Variants in XKR9 observed in about 807,000 individuals in gnomAD.
XKR9 encodes the protein XK related 9.
A neutral mutation model predicts 32.0 loss-of-function variants in XKR9; 32 were observed. The ratio of observed to expected loss-of-function variants is 1.00; its 90% CI spans 0.76 to 1.34. XKR9 has a LOEUF of 1.34. Ranked by LOEUF, XKR9 falls within the 40% of genes most tolerant of loss-of-function variation. The pLI is 0.00. For synonymous variants in XKR9, 168 were observed against 143.4 expected, an observed-to-expected ratio of 1.17 and a Z score of -1.22; for missense variants, 546 against 429.7, an observed-to-expected ratio of 1.27 and a Z score of -2.39.
At chr8:70,786,529 C>T (rs927289305) in intron 2 of XKR9, among the ~76,000 whole-genome samples, 18 of 151,888 alleles carry the variant, frequency 1.2e-4, no homozygotes, top group Admixed American at 9.2e-4. Flanking sequence ...ACATAATGTC[C>T]TTTTTTTGCT....
intron 2 of XKR9, among the ~76,000 whole-genome samples, chr8:70,764,021 T>C (rs951870626): frequency 6.6e-6 from 1 of 152,172 alleles, no homozygotes; most frequent in Non-Finnish European, 1.5e-5. Flanking sequence ...CTGTCTCAAG[T>C]TTTTAGCCAC....
chr8:70,969,771 G>C, the XKR9 span, among the ~76,000 whole-genome samples: 4 of 152,090 alleles, frequency 2.6e-5, no homozygotes, highest in Non-Finnish European at 4.4e-5. Flanking sequence ...TATTCCAATA[G>C]GTTTTTGAGG....
chr8:70,887,276 G>T, the XKR9 span, among the ~76,000 whole-genome samples: 1 of 152,200 alleles, frequency 6.6e-6, no homozygotes, highest in East Asian at 1.9e-4. Flanking sequence ...TGTTCCATTG[G>T]TCTATATATC....
chr8:70,812,163 G>A, the XKR9 span, among the ~76,000 whole-genome samples: 294 of 152,228 alleles, frequency 1.9e-3, 2 homozygotes, highest in African/African-American at 6.9e-3. Context: ...ATGTAATCCA[G>A]CATATAAACA....
chr8:70,831,192 G>A, the XKR9 span, among the ~76,000 whole-genome samples: 1 of 151,626 alleles, frequency 6.6e-6, no homozygotes, highest in East Asian at 2.0e-4. Flanking sequence ...TCAGGAGGCT[G>A]AGGCAGGAGA....
the XKR9 span, among the ~76,000 whole-genome samples, chr8:70,974,834 G>A: frequency 1.3e-4 from 20 of 152,268 alleles, 1 homozygote; most frequent in Admixed American, 1.1e-3. Context: ...CACAATGGTG[G>A]AACTAGCTTA....
At chr8:71,064,320 A>T in the XKR9 span, among the ~76,000 whole-genome samples, 2 of 152,178 alleles carry the variant, frequency 1.3e-5, no homozygotes, top group Non-Finnish European at 2.9e-5. Flanking sequence ...CATCACACCT[A>T]TAAAAATTAA....
At chr8:70,999,934 CT>C in the XKR9 span, among the ~76,000 whole-genome samples, 3 of 152,126 alleles carry the variant, frequency 2.0e-5, no homozygotes, top group African/African-American at 7.2e-5. Flanking sequence ...CCTTGCATCC[CT>C]TTTCTCTTAT....
the XKR9 span, among the ~76,000 whole-genome samples, chr8:71,045,950 G>C: frequency 2.0e-5 from 3 of 152,050 alleles, no homozygotes; most frequent in Non-Finnish European, 4.4e-5. Flanking sequence ...TGGATTGGGA[G>C]TTCACTGAGG....
At chr8:70,987,803 A>G in the XKR9 span, among the ~76,000 whole-genome samples, 1 of 152,162 alleles carries the variant, frequency 6.6e-6, no homozygotes, top group Non-Finnish European at 1.5e-5. Context: ...GAAGCTCTCC[A>G]TGAGGACCCC....
At chr8:70,960,991 G>A in the XKR9 span, among the ~76,000 whole-genome samples, 8 of 152,164 alleles carry the variant, frequency 5.3e-5, no homozygotes, top group African/African-American at 1.9e-4. Flanking sequence ...CCAACATGGC[G>A]AAACCCTGTC....
chr8:70,956,583 C>T, the XKR9 span, among the ~76,000 whole-genome samples: 1 of 152,144 alleles, frequency 6.6e-6, no homozygotes, highest in Non-Finnish European at 1.5e-5. Flanking sequence ...CATTAACATG[C>T]TGTCCATGGT....
intron 4 of XKR9, among the ~76,000 whole-genome samples, chr8:70,726,600 C>A (rs1806478021): frequency 6.6e-6 from 1 of 152,156 alleles, no homozygotes. Flanking sequence ...TGAAACATGG[C>A]TTTACCAGTA....
At chr8:70,963,375 C>A in the XKR9 span, among the ~76,000 whole-genome samples, 1 of 152,126 alleles carries the variant, frequency 6.6e-6, no homozygotes, top group Non-Finnish European at 1.5e-5. Flanking sequence ...CATTATTGGG[C>A]ATTTAGGTTA....
downstream of XKR9, among the ~76,000 whole-genome samples, chr8:70,740,236 A>G (rs1322407228): frequency 1.3e-5 from 2 of 152,054 alleles, no homozygotes; most frequent in Admixed American, 1.3e-4. Flanking sequence ...CATCACTGAT[A>G]CCCTTTCTTC....
the XKR9 span, among the ~76,000 whole-genome samples, chr8:70,796,537 G>T: frequency 6.6e-6 from 1 of 151,848 alleles, no homozygotes; most frequent in East Asian, 1.9e-4. Flanking sequence ...TGGCTTCATT[G>T]ATTTTCTTTT....
chr8:70,775,938 G>T (rs1221661112), intron 2 of XKR9, among the ~76,000 whole-genome samples: 1 of 151,954 alleles, frequency 6.6e-6, no homozygotes, highest in African/African-American at 2.4e-5. Flanking sequence ...TCGAGATGGG[G>T]TCTTGCCATC....
the XKR9 span, among the ~76,000 whole-genome samples, chr8:70,876,129 CT>C: frequency 6.6e-6 from 1 of 151,662 alleles, no homozygotes; most frequent in Non-Finnish European, 1.5e-5. Flanking sequence ...ACTGCCTGAA[CT>C]TTTAGAACTA....
the XKR9 span, among the ~76,000 whole-genome samples, chr8:70,924,959 A>T: frequency 6.6e-6 from 1 of 151,602 alleles, no homozygotes; most frequent in African/African-American, 2.4e-5. Context: ...GAGCATCAAA[A>T]TTTAATGTTA....
Sources: gnomAD v4.1 joint callset for allele counts (sites outside exome capture counted in the v4.1 genomes callset) on GRCh38, gnomAD v4.1.1 for gene constraint, MANE v1.5 for transcripts, NCBI Gene and HGNC (gene_info 2026-07-23, HGNC 2026-07-21) for gene names.